Variants in PPP4R2 observed in about 807,000 individuals in gnomAD.
PPP4R2 encodes the protein serine/threonine-protein phosphatase 4 regulatory subunit 2.
PPP4R2 carries 13 observed loss-of-function variants against 47.2 expected under a neutral mutation model. That is an observed-to-expected ratio of 0.28 (90% CI 0.18 to 0.44). PPP4R2 has a LOEUF of 0.44. PPP4R2 is among the 20% of genes least tolerant of loss of function. The pLI is 1.00. For synonymous variants in PPP4R2, 151 were observed against 163.3 expected (o/e 0.92, Z 0.57); for missense variants, 421 against 491.2 (o/e 0.86, Z 1.35).
At chr3:73,035,197 C>T (rs1702239747) in intron 2 of PPP4R2, among the ~76,000 whole-genome samples, 2 of 151,978 alleles carry the variant, frequency 1.3e-5, no homozygotes, top group Non-Finnish European at 2.9e-5. Flanking sequence ...AAATGTAAAT[C>T]GCAACCACGA....
chr3:73,023,957 CAA>C (rs1702009881), intron 2 of PPP4R2, among the ~76,000 whole-genome samples: 1 of 152,036 alleles, frequency 6.6e-6, no homozygotes, highest in Non-Finnish European at 1.5e-5. Flanking sequence ...TTCTGAATTA[CAA>C]AGTTTCATCA....
rs1223880936 is a variant in PPP4R2, at chr3:73,069,082, A to T, written c.*3360A>T. 6.6e-6 allele frequency: 1 copy of T among 152,168 alleles called. No homozygotes were observed. Among genetic ancestry groups the T allele is most frequent in the South Asian group, 2.1e-4 (1 of 4,832 alleles). 9.4% of individuals were successfully genotyped at this position (152,168 alleles called of 1,614,324 possible). ...TGTATTGGTTAGACTACATCTTACT[A>T]TTTCACATTTTAAAAATCAGTACAC... On this transcript the variant is annotated 3_prime_UTR_variant, in exon 9 of 9. Transcript: ENST00000356692.
intron 2 of PPP4R2, among the ~76,000 whole-genome samples, chr3:73,017,912 G>T (rs921235503): frequency 8.5e-5 from 13 of 152,082 alleles, no homozygotes; most frequent in Non-Finnish European, 1.9e-4. Context: ...ATTTTTAGTA[G>T]AGACAGGGTT....
intron 2 of PPP4R2, among the ~76,000 whole-genome samples, chr3:73,035,706 C>T (rs1702249340): frequency 6.6e-6 from 1 of 151,990 alleles, no homozygotes; most frequent in Admixed American, 6.6e-5. Context: ...CTCACTGCAA[C>T]CTCTGCCTCC....
intron 3 of PPP4R2, among the ~76,000 whole-genome samples, chr3:73,048,601 T>G (rs563081326): frequency 5.9e-5 from 9 of 152,320 alleles, no homozygotes; most frequent in South Asian, 2.1e-4. Context: ...AAGAAGTGTT[T>G]GTGAAGTTGA....
At chr3:73,008,605 T>C (rs1209775665) in intron 2 of PPP4R2, among the ~76,000 whole-genome samples, 1 of 152,208 alleles carries the variant, frequency 6.6e-6, no homozygotes, top group Non-Finnish European at 1.5e-5. Flanking sequence ...TTTCTACTTC[T>C]TGGTGAGACT....
chr3:73,049,771 A>C (rs1702571316), intron 3 of PPP4R2, among the ~76,000 whole-genome samples: 1 of 149,868 alleles, frequency 6.7e-6, no homozygotes. Flanking sequence ...AAATATAATA[A>C]AATTAATATT....
At chr3:73,020,678 A>T (rs1330210839) in intron 2 of PPP4R2, among the ~76,000 whole-genome samples, 5 of 151,738 alleles carry the variant, frequency 3.3e-5, no homozygotes, top group Non-Finnish European at 5.9e-5. Context: ...TCTTTAAAAA[A>T]AAAAAAAAAA....
intron 2 of PPP4R2, among the ~76,000 whole-genome samples, chr3:73,023,148 G>C (rs1701993495): frequency 6.6e-6 from 1 of 151,304 alleles, no homozygotes; most frequent in African/African-American, 2.4e-5. Context: ...TTAAATTATG[G>C]AATCATTATG....
intron 2 of PPP4R2, among the ~76,000 whole-genome samples, chr3:73,017,499 G>A (rs1248954465): frequency 5.9e-5 from 9 of 152,088 alleles, no homozygotes; most frequent in Admixed American, 5.9e-4. Context: ...AGCCACTGGT[G>A]GGTCCCCTGC....
At chr3:73,021,343 C>G (rs1273255644) in intron 2 of PPP4R2, among the ~76,000 whole-genome samples, 1 of 151,760 alleles carries the variant, frequency 6.6e-6, no homozygotes, top group Non-Finnish European at 1.5e-5. Flanking sequence ...AGGTGATCCT[C>G]CCGCCTCAGC....
Position 72,998,321 on chromosome 3 carries a change from C to T in PPP4R2, c.116+163C>T, listed in dbSNP as rs562985712. ...TATATTTACATTTAAAGAACGTATACGCTTACTTACTTTATACATGGTCTG... is the reference window on the plus strand; with the variant it reads ...TATATTTACATTTAAAGAACGTATATGCTTACTTACTTTATACATGGTCTG... On this transcript the variant is annotated intron_variant, in intron 2 of 8. Transcript: ENST00000356692. 4.6e-5 allele frequency among the ~76,000 whole-genome samples: 7 copies of T among 152,246 alleles called. No homozygotes were observed. In the South Asian group the frequency reaches 1.0e-3, roughly 23 times the overall value.
chr3:73,057,222 A>T (rs1290833621), intron 3 of PPP4R2, among the ~76,000 whole-genome samples: 2 of 152,190 alleles, frequency 1.3e-5, no homozygotes, highest in Admixed American at 6.5e-5. Flanking sequence ...GAAAATGCTT[A>T]AACATTTTTA....
chr3:73,054,096 T>C lies in PPP4R2; in HGVS notation c.288-4941T>C, dbSNP rs185046465. Among the ~76,000 whole-genome samples the C allele has an allele frequency of 3.3e-5, 5 of 152,260 alleles. No homozygotes were observed. The East Asian group carries it at 9.7e-4, about 30-fold the overall frequency. The stretch of plus-strand genomic sequence containing the variant: ...CCATGCCCGGCTAATTTTTGTATTT[T>C]TAGTAGAGACAGGGTTTCGCCATGT... On this transcript the variant is annotated intron_variant, in intron 3 of 8. Transcript: ENST00000356692.
At chr3:73,032,939 C>G (rs1015945620) in intron 2 of PPP4R2, among the ~76,000 whole-genome samples, 3 of 152,102 alleles carry the variant, frequency 2.0e-5, no homozygotes, top group Non-Finnish European at 1.5e-5. Flanking sequence ...GTTGAGCCTT[C>G]TTAACTGCTC....
chr3:73,056,820 A>G (rs577260764), intron 3 of PPP4R2, among the ~76,000 whole-genome samples: 1 of 152,316 alleles, frequency 6.6e-6, no homozygotes, highest in South Asian at 2.1e-4. Context: ...CATGTTGTTA[A>G]ACAAGAAGTT....
intron 1 of PPP4R2, 116 bp from the exon 2 acceptor site, chr3:72,997,961 A>AT: frequency 1.3e-6 from 1 of 756,944 alleles, no homozygotes; most frequent in Non-Finnish European, 2.3e-6. Flanking sequence ...GAGAGGCCTT[A>AT]TTTTTTTAAT....
chr3:73,064,399 A>G (rs1218393718), intron 7 of PPP4R2, among the ~76,000 whole-genome samples: 1 of 152,188 alleles, frequency 6.6e-6, no homozygotes, highest in Non-Finnish European at 1.5e-5. Flanking sequence ...GATCCATTTC[A>G]TTTGTTGTTT....
chr3:73,011,142 C>T (rs1034199982), intron 2 of PPP4R2, among the ~76,000 whole-genome samples: 1 of 152,332 alleles, frequency 6.6e-6, no homozygotes, highest in Non-Finnish European at 1.5e-5. Flanking sequence ...TCCTCCTCCT[C>T]TACTGTAACA....
Sources: gnomAD v4.1 joint callset for allele counts (sites outside exome capture counted in the v4.1 genomes callset) on GRCh38, gnomAD v4.1.1 for gene constraint, MANE v1.5 for transcripts, NCBI Gene and HGNC (gene_info 2026-07-23, HGNC 2026-07-21) for gene names.